TTBK1: variants seen among roughly 807,000 people sequenced by gnomAD.
TTBK1 encodes the protein tau-tubulin kinase 1.
In TTBK1, 34 loss-of-function variants were observed where a neutral mutation model predicts 108.5. The observed-to-expected ratio is 0.31, with a 90% confidence interval of 0.24 to 0.42. TTBK1 has a LOEUF of 0.42. Among genes scored for constraint, TTBK1 ranks in the 10% least tolerant of loss-of-function variants. The pLI is 1.00. For synonymous variants in TTBK1, 809 were observed against 795.1 expected (o/e 1.02, Z -0.29); for missense variants, 1,539 against 1,826.0 (o/e 0.84, Z 2.86).
rs765014785 is a variant in TTBK1, at chr6:43,257,906, T to C, written c.956T>C (p.Leu319Pro). The change falls in exon 10 of 15, where the codon CTG becomes CCG. Residue 319 changes from leucine to proline, a missense_variant. By Grantham distance (98) the Leu-to-Pro change is moderately conservative (BLOSUM62 -3). Coordinates refer to ENST00000259750, the MANE Select transcript of TTBK1 (RefSeq NM_032538.3). This position sits in a 1 kb window ranked among gnomAD's most constrained non-coding sequence, Gnocchi z 4.5. ...DWEKAGTDAL[L>P]STSTSTPPQQ... ...GAGAAGGCAGGCACCGATGCCCTCC[T>C]GTCCACGAGCACCTCTACCCCGCCC... 3 of 1,613,964 alleles carry C rather than the reference T, an allele frequency of 1.9e-6. No homozygotes were observed. The East Asian group carries it at 6.7e-5, about 36-fold the overall frequency.
chr6:43,254,782 C>A, intron 6 of TTBK1, 131 bp downstream of exon 6: 2 of 819,448 alleles, frequency 2.4e-6, no homozygotes, highest in Non-Finnish European at 3.8e-6. Context: ...CGCCACCCAG[C>A]TCTGGGTGTC....
In TTBK1 at chr6:43,282,201, A is replaced by C. The variant is rs1778182683; in HGVS notation, c.1987-526A>C. ...CAGCCAGCTCTCTGGCCACAGAGAA[A>C]CTGCACACCCTGAGGTGGTACTGAG... On this transcript the variant is annotated intron_variant, in intron 13 of 14. Transcript: ENST00000259750. This position sits in a 1 kb window ranked among gnomAD's most constrained non-coding sequence, Gnocchi z 5.4. 6.6e-6 allele frequency among the ~76,000 whole-genome samples: 1 copy of C among 152,224 alleles called. No homozygotes were observed. The highest frequency in any genetic ancestry group is 1.5e-5 in the Non-Finnish European group (1 of 68,004).
intron 1 of TTBK1, among the ~76,000 whole-genome samples, chr6:43,244,809 C>T (rs1211090224): frequency 6.6e-6 from 1 of 152,204 alleles, no homozygotes; most frequent in Non-Finnish European, 1.5e-5. Flanking sequence ...CCCCCTCCCA[C>T]CAGTTCAATT....
chr6:43,266,942 A>C (rs2150699323), intron 13 of TTBK1, among the ~76,000 whole-genome samples: 1 of 152,130 alleles, frequency 6.6e-6, no homozygotes, highest in Non-Finnish European at 1.5e-5. Context: ...AACAGAAAAC[A>C]TACAGGCCAG....
chr6:43,269,895 C>T lies in TTBK1; in HGVS notation c.1986+6545C>T, dbSNP rs1777780205. ...CCACAGACTCATGCCCTCGGTGCTC[C>T]GCATCTCGCGGTCCCAGCTGCAGCA... is the stretch of plus-strand genomic sequence containing the variant. On this transcript the variant is annotated intron_variant, in intron 13 of 14. Coordinates refer to ENST00000259750, the MANE Select transcript of TTBK1 (RefSeq NM_032538.3). The surrounding 1 kb of genome is among the most constrained non-coding windows in gnomAD (Gnocchi z 4.8). 1 of 1,514,444 alleles carries T rather than the reference C, an allele frequency of 6.6e-7. No homozygotes were observed. The highest frequency in any genetic ancestry group is 1.2e-5 in the South Asian group (1 of 82,086). 93.8% of individuals were successfully genotyped at this position (1,514,444 alleles called of 1,614,324 possible). A position where few individuals can be genotyped will look rare whatever the true frequency, so the allele number is the denominator to read the frequency against.
At chr6:43,267,667 G>C (rs1995300) in intron 13 of TTBK1, among the ~76,000 whole-genome samples, 51,973 of 151,954 alleles carry the variant, frequency 0.34, 8,921 homozygotes, top group East Asian at 0.36. Flanking sequence ...ACCTGGCTTT[G>C]TTCTCAAGGA....
intron 13 of TTBK1, among the ~76,000 whole-genome samples, chr6:43,275,151 G>C (rs1777934119): frequency 6.6e-6 from 1 of 152,158 alleles, no homozygotes; most frequent in African/African-American, 2.4e-5. Flanking sequence ...CCCCGGCCGG[G>C]AGGGCACGAG....
At chr6:43,268,243 G>C (rs1777733616) in intron 13 of TTBK1, among the ~76,000 whole-genome samples, 1 of 152,220 alleles carries the variant, frequency 6.6e-6, no homozygotes. Context: ...CATGTGCTGT[G>C]AGAGGGGGCT....
intron 13 of TTBK1, among the ~76,000 whole-genome samples, chr6:43,278,872 C>T (rs1313255402): frequency 6.6e-6 from 1 of 152,160 alleles, no homozygotes; most frequent in Non-Finnish European, 1.5e-5. Flanking sequence ...ACTTTGAAAC[C>T]GAAAAGCCAG....
intron 2 of TTBK1, among the ~76,000 whole-genome samples, chr6:43,249,311 C>G (rs1302978053): frequency 1.3e-5 from 2 of 152,152 alleles, no homozygotes; most frequent in Non-Finnish European, 2.9e-5. Flanking sequence ...TGTCATATTT[C>G]TCCTCTAGTT....
Position 43,288,251 on chromosome 6 carries a change from G to A in TTBK1, c.*2875G>A, listed in dbSNP as rs1290772177. 6 of 152,728 alleles carry A rather than the reference G, an allele frequency of 3.9e-5. No homozygotes were observed. Among genetic ancestry groups the A allele is most frequent in the African/African-American group, 7.2e-5 (3 of 41,456 alleles). The allele number at this position is 152,728 out of a possible 1,614,324, so 9.5% of individuals were successfully genotyped here. ...GCCATCACACCATTAAAAAGCCTGT[G>A]GACCTTTTTCTGTTGGCTTGGACTC... On this transcript the variant is annotated 3_prime_UTR_variant, in exon 15 of 15. Coordinates refer to ENST00000259750, the MANE Select transcript of TTBK1 (RefSeq NM_032538.3). The surrounding 1 kb of genome is among the most constrained non-coding windows in gnomAD (Gnocchi z 4.4).
At chr6:43,248,253 G>C (rs761358971) in intron 2 of TTBK1, 3 of 152,174 alleles carry the variant, frequency 2.0e-5, no homozygotes, top group African/African-American at 7.2e-5. Context: ...CCTCACCTCC[G>C]ACCCCCACCC....
chr6:43,284,193 C>T lies in TTBK1; in HGVS notation c.3453C>T (p.Ala1151=). The part of the protein sequence containing the change: ...ALPRKSGRAA[A]TRSRIPRPIG... ...CCAGGAAGAGCGGGAGGGCAGCCGC[C>T]ACCAGGAGCCGGATTCCCCGCCCCA... The change falls in exon 14 of 15, where the codon GCC becomes GCT. Residue 1151 remains alanine (A), a synonymous_variant. Coordinates refer to ENST00000259750, the MANE Select transcript of TTBK1 (RefSeq NM_032538.3). 1 of 1,577,686 alleles carries T rather than the reference C, an allele frequency of 6.3e-7. No individual in the cohort carries two copies. Among genetic ancestry groups the T allele is most frequent in the Non-Finnish European group, 8.5e-7 (1 of 1,169,782 alleles).
intron 2 of TTBK1, among the ~76,000 whole-genome samples, chr6:43,249,651 A>G (rs1380672202): frequency 6.6e-6 from 1 of 151,514 alleles, no homozygotes; most frequent in Non-Finnish European, 1.5e-5. Flanking sequence ...ATCTCGGCTC[A>G]CTGCAACCTC....
intron 13 of TTBK1, among the ~76,000 whole-genome samples, chr6:43,275,122 C>T (rs1369186899): frequency 2.6e-5 from 4 of 152,208 alleles, no homozygotes. Context: ...CGCCCACTCT[C>T]CGGACCCTGC....
At position 43,253,459 on chromosome 6, in the gene TTBK1, AG is replaced by A; in HGVS notation, c.330+98del. ...GGAAGGTAGACTGTGGCCCTGGGAAAGGGCAGTGGGCACAACCCTTTGGGGT... is the reference window on the plus strand; with the variant it reads ...GGAAGGTAGACTGTGGCCCTGGGAAAGGCAGTGGGCACAACCCTTTGGGGT... On this transcript the variant is annotated intron_variant, in intron 4 of 14. Coordinates refer to ENST00000259750, the MANE Select transcript of TTBK1 (RefSeq NM_032538.3). This position sits in a 1 kb window ranked among gnomAD's most constrained non-coding sequence, Gnocchi z 5.8. 1.3e-6 allele frequency: 2 copies of A among 1,598,356 alleles called. No individual in the cohort carries two copies. Among genetic ancestry groups the A allele is most frequent in the South Asian group, 1.1e-5 (1 of 89,920 alleles).
Position 43,287,485 on chromosome 6 carries a change from C to G in TTBK1, c.*2109C>G, listed in dbSNP as rs954525829. ...GAGAGAGCCCCAGGTCCATTCTACC[C>G]CCAGCTTCACTCAGCACTGGAGCTG... On this transcript the variant is annotated 3_prime_UTR_variant, in exon 15 of 15. Transcript: ENST00000259750. The surrounding 1 kb of genome is among the most constrained non-coding windows in gnomAD (Gnocchi z 4.1). The G allele has an allele frequency of 6.6e-6, 1 of 152,568 alleles. No individual in the cohort carries two copies. 9.5% of individuals were successfully genotyped at this position (152,568 alleles called of 1,614,324 possible). A position where few individuals can be genotyped will look rare whatever the true frequency, so the allele number is the denominator to read the frequency against.
Position 43,269,729 on chromosome 6 carries a change from G to T in TTBK1, c.1986+6379G>T, listed in dbSNP as rs779881099. ...CGTCCTCCGTGTTCTCCTCCTCCAC[G>T]CTGGAGACGGAGCATTACCCTCACC... On this transcript the variant is annotated intron_variant, in intron 13 of 14. Coordinates refer to ENST00000259750, the MANE Select transcript of TTBK1 (RefSeq NM_032538.3). The surrounding 1 kb of genome is among the most constrained non-coding windows in gnomAD (Gnocchi z 4.8). The T allele has an allele frequency of 6.2e-7, 1 of 1,609,278 alleles. No homozygotes were observed. Among genetic ancestry groups the T allele is most frequent in the South Asian group, 1.1e-5 (1 of 90,990 alleles).
intron 13 of TTBK1, chr6:43,271,465 A>T (rs1249120370): frequency 5.1e-6 from 5 of 985,200 alleles, no homozygotes; most frequent in Non-Finnish European, 6.0e-6. Context: ...AGCCAGAAAG[A>T]TGTCTATGCA....
Sources: gnomAD v4.1 joint callset for allele counts (sites outside exome capture counted in the v4.1 genomes callset) on GRCh38, gnomAD v4.1.1 for gene constraint, Gnocchi (gnomAD v3.1) non-coding constraint, MANE v1.5 for transcripts, NCBI Gene and HGNC (gene_info 2026-07-23, HGNC 2026-07-21) for gene names.